Variants in PAFAH2 observed in about 807,000 individuals in gnomAD.
PAFAH2 encodes the protein platelet activating factor acetylhydrolase 2.
PAFAH2 carries 42 observed loss-of-function variants against 49.0 expected under a neutral mutation model. The ratio of observed to expected loss-of-function variants is 0.86; its 90% CI spans 0.67 to 1.11. The LOEUF is 1.11. Ranked by LOEUF, PAFAH2 falls within the 50% of genes least tolerant of loss-of-function variation. The probability of loss-of-function intolerance (pLI) is 0.00; values close to 1 mark genes in which losing one functional copy is unlikely to be tolerated. For missense variants in PAFAH2, 503 were observed against 501.8 expected (o/e 1.00, Z -0.02); for synonymous variants, 184 against 181.3 (o/e 1.01, Z -0.12).
intron 10 of PAFAH2, among the ~76,000 whole-genome samples, chr1:25,969,926 T>G (rs553358226): frequency 1.7e-4 from 26 of 152,164 alleles, no homozygotes; most frequent in African/African-American, 6.0e-4. Context: ...GCTTGCCAGG[T>G]GATAAGAATG....
intron 1 of PAFAH2, among the ~76,000 whole-genome samples, chr1:25,991,529 A>G (rs917350398): frequency 1.4e-5 from 2 of 145,894 alleles, no homozygotes; most frequent in Non-Finnish European, 1.5e-5. Flanking sequence ...TGATCTACCC[A>G]CTTTGGCCTC....
At position 25,972,555 on chromosome 1, in the gene PAFAH2, T is replaced by C. The variant is rs775126236; in HGVS notation, c.1084+3A>G. On this transcript the variant is annotated splice_donor_region_variant and intron_variant, in intron 10 of 10. Coordinates refer to ENST00000374282, the MANE Select transcript of PAFAH2 (RefSeq NM_000437.4). ...GCCCCAAGAGCCCCAGTTTTCTCCT[T>C]ACCGAGGTGCTTCTGCAGGAAGGCC... is the stretch of plus-strand genomic sequence containing the variant. 7.4e-6 allele frequency: 12 copies of C among 1,613,046 alleles called. No individual in the cohort carries two copies. Among genetic ancestry groups the C allele is most frequent in the Non-Finnish European group, 9.3e-6 (11 of 1,179,382 alleles).
At chr1:25,973,851 G>A (rs991013040) in intron 9 of PAFAH2, among the ~76,000 whole-genome samples, 1 of 152,180 alleles carries the variant, frequency 6.6e-6, no homozygotes, top group African/African-American at 2.4e-5. Context: ...GGAGCAGTCC[G>A]TGAGATCTCA....
intron 10 of PAFAH2, among the ~76,000 whole-genome samples, chr1:25,965,659 T>C (rs2049408444): frequency 6.6e-6 from 1 of 150,840 alleles, no homozygotes; most frequent in African/African-American, 2.4e-5. Flanking sequence ...CTATTAAAAA[T>C]ACGAAAAAAT....
intron 1 of PAFAH2, among the ~76,000 whole-genome samples, 155 bp downstream of exon 1, chr1:25,997,870 G>A (rs1015972606): frequency 6.6e-6 from 1 of 152,102 alleles, no homozygotes; most frequent in Admixed American, 6.6e-5. Context: ...TCAAGGGAGC[G>A]GGTGGCTACA....
chr1:25,974,188 A>G (rs893419677), intron 9 of PAFAH2, among the ~76,000 whole-genome samples: 2 of 152,142 alleles, frequency 1.3e-5, no homozygotes, highest in African/African-American at 4.8e-5. Context: ...AACTCATCCA[A>G]ACCCACACCA....
rs1440111310 is a variant in PAFAH2 at position 25,982,406 on chromosome 1, G to A, written c.624C>T (p.Val208=). The change falls in exon 7 of 11, where the codon GTC becomes GTT. Residue 208 remains valine (V), a synonymous_variant. Transcript: ENST00000374282. ...CCAAGCCACCAGGCAAGATGTTGAA[G>A]ACAGTCTGCCCAGCAGTGACCTCTT... ...ILQEVTAGQT[V]FNILPGGLDL... The A allele has an allele frequency of 1.9e-6, 3 of 1,614,108 alleles. No individual in the cohort carries two copies. The South Asian group carries it at 3.3e-5, about 18-fold the overall frequency.
At chr1:25,977,245 C>T (rs1310678217) in intron 7 of PAFAH2, among the ~76,000 whole-genome samples, 5 of 150,644 alleles carry the variant, frequency 3.3e-5, no homozygotes, top group South Asian at 2.1e-4. Flanking sequence ...GTGATCCGCC[C>T]GCCTCGGCCT....
In PAFAH2 at chr1:25,982,375, T is replaced by C; in HGVS notation, c.655A>G (p.Met219Val). The change falls in exon 7 of 11, where the codon ATG becomes GTG. Residue 219 changes from methionine to valine, a missense_variant. Met to Val is a conservative substitution (Grantham distance 21, BLOSUM62 1). Transcript: ENST00000374282. ...AATTGCTTCCATACCTTCAAAGTCA[T>C]CAGATCCAAGCCACCAGGCAAGATG... ...FNILPGGLDLMTLKGNIDMSR... is the reference protein window; with the variant it reads ...FNILPGGLDLVTLKGNIDMSR... 6.2e-7 allele frequency: 1 copy of C among 1,613,426 alleles called. No individual in the cohort carries two copies. Among genetic ancestry groups the C allele is most frequent in the Non-Finnish European group, 8.5e-7 (1 of 1,179,414 alleles).
chr1:25,980,154 A>G (rs1365081966), intron 7 of PAFAH2, among the ~76,000 whole-genome samples: 1 of 152,220 alleles, frequency 6.6e-6, no homozygotes, highest in Non-Finnish European at 1.5e-5. Context: ...AGAATCAAAA[A>G]GCCCCAATTT....
intron 1 of PAFAH2, among the ~76,000 whole-genome samples, chr1:25,994,239 C>T (rs2049911128): frequency 1.3e-5 from 2 of 151,024 alleles, no homozygotes; most frequent in South Asian, 4.2e-4. Flanking sequence ...AAGTGATGCT[C>T]CCACCTCAGC....
intron 7 of PAFAH2, among the ~76,000 whole-genome samples, chr1:25,981,407 T>A (rs2049686664): frequency 6.6e-6 from 1 of 151,884 alleles, no homozygotes; most frequent in South Asian, 2.1e-4. Context: ...GAAGAATGTA[T>A]CTTCATAAGC....
At chr1:25,971,549 GAA>G (rs2049509479) in intron 10 of PAFAH2, among the ~76,000 whole-genome samples, 1 of 152,126 alleles carries the variant, frequency 6.6e-6, no homozygotes, top group Admixed American at 6.6e-5. Flanking sequence ...ACGGAACAAA[GAA>G]AAAGAGATGT....
intron 2 of PAFAH2, among the ~76,000 whole-genome samples, chr1:25,990,257 A>T (rs1290691166): frequency 2.0e-5 from 3 of 152,150 alleles, no homozygotes; most frequent in East Asian, 3.8e-4. Context: ...CATATATATA[A>T]GATAGAGGAC....
At chr1:25,983,383 C>T (rs548567310) in intron 6 of PAFAH2, among the ~76,000 whole-genome samples, 73 of 150,626 alleles carry the variant, frequency 4.8e-4, no homozygotes, top group African/African-American at 1.6e-3. Flanking sequence ...AGACTCTGTC[C>T]CAAAAAAATA....
At position 25,972,610 on chromosome 1, in the gene PAFAH2, T is replaced by C. The variant is rs1350036084; in HGVS notation, c.1032A>G (p.Glu344=). ...TETRGSLDPY[E]GQEVMVRAML... ...TGGCCCGTACCATAACCTCCTGCCCTTCATAGGGGTCCAGGCTCCCACGGG... is the reference window on the plus strand; with the variant it reads ...TGGCCCGTACCATAACCTCCTGCCCCTCATAGGGGTCCAGGCTCCCACGGG... Residue 344 remains glutamate, a synonymous_variant, in exon 10 of 11, where the codon GAA becomes GAG. Coordinates refer to ENST00000374282, the MANE Select transcript of PAFAH2 (RefSeq NM_000437.4). 6 of 1,613,948 alleles carry C rather than the reference T, an allele frequency of 3.7e-6. No individual in the cohort carries two copies. The highest frequency in any genetic ancestry group is 5.1e-6 in the Non-Finnish European group (6 of 1,179,856).
At chr1:25,983,346 C>A (rs2049722872) in intron 6 of PAFAH2, among the ~76,000 whole-genome samples, 1 of 151,960 alleles carries the variant, frequency 6.6e-6, no homozygotes, top group Non-Finnish European at 1.5e-5. Flanking sequence ...GTTGGTGCCA[C>A]TGCACTCTAG....
At chr1:25,972,751 C>G (rs1374050768) in intron 9 of PAFAH2, 39 bp from the exon 10 acceptor site, 1 of 1,612,160 alleles carries the variant, frequency 6.2e-7, no homozygotes, top group Admixed American at 1.7e-5. Context: ...GGTCTGGCGG[C>G]TAGGGCATAC....
chr1:25,988,713 G>C (rs2049824159), intron 3 of PAFAH2, among the ~76,000 whole-genome samples: 1 of 146,548 alleles, frequency 6.8e-6, no homozygotes. Context: ...TGAGGCAGGA[G>C]AATCACTTGC....
Sources: gnomAD v4.1 joint callset for allele counts (sites outside exome capture counted in the v4.1 genomes callset) on GRCh38, gnomAD v4.1.1 for gene constraint, MANE v1.5 for transcripts, NCBI Gene and HGNC (gene_info 2026-07-23, HGNC 2026-07-21) for gene names.